TOP2A: variants seen among roughly 807,000 people sequenced by gnomAD.
TOP2A encodes DNA topoisomerase 2-alpha.
A neutral mutation model predicts 187.2 loss-of-function variants in TOP2A; 68 were observed. That is an observed-to-expected ratio of 0.36 (90% CI 0.30 to 0.44). The LOEUF is 0.44. Among genes scored for constraint, TOP2A ranks in the 20% least tolerant of loss-of-function variants. The pLI, the probability that TOP2A is intolerant of heterozygous loss-of-function variation, is 1.00. For missense variants in TOP2A, 1,196 were observed against 1,808.7 expected, an observed-to-expected ratio of 0.66 and a Z score of 6.14; for synonymous variants, 542 against 593.2, an observed-to-expected ratio of 0.91 and a Z score of 1.25.
Position 40,413,592 on chromosome 17 carries a change from T to C in TOP2A, c.366A>G (p.Gly122=), listed in dbSNP as rs1047615718. ...TGTGTTCAACAACAGGAATACCTTT[T>C]CCATTATTCCATATACTAATTAAAT... The part of the protein sequence containing the change: ...ENNLISIWNN[G]KGIPVVEHKV... The change falls in exon 5 of 35, where the codon GGA becomes GGG. Residue 122 remains glycine, a synonymous_variant. Transcript: ENST00000423485. 52 of 1,449,420 alleles carry C rather than the reference T, an allele frequency of 3.6e-5. No homozygotes were observed. The highest frequency in any genetic ancestry group is 4.8e-5 in the Non-Finnish European group (51 of 1,063,512). 89.8% of individuals were successfully genotyped at this position (1,449,420 alleles called of 1,614,324 possible).
chr17:40,407,812 G>T, intron 12 of TOP2A, 138 bp from the exon 13 acceptor site: 1 of 1,179,486 alleles, frequency 8.5e-7, no homozygotes, highest in Non-Finnish European at 1.2e-6. Context: ...CATCAGAAAG[G>T]TCTGTTAAAA....
rs1303847236 is a variant in TOP2A, at chr17:40,417,888, G to A, written c.-97C>T. ...GACCAAGCCGCTTCTCCACAGACGC[G>A]CGTCGGTTAGGAGAGCTCCACTTGA... On this transcript the variant is annotated 5_prime_UTR_variant, in exon 1 of 35. Transcript: ENST00000423485. The A allele has an allele frequency of 5.8e-6, 9 of 1,551,366 alleles. No homozygotes were observed. The highest frequency in any genetic ancestry group is 7.9e-6 in the Non-Finnish European group (9 of 1,136,064).
chr17:40,394,238 G>A (rs769820915), intron 29 of TOP2A, among the ~76,000 whole-genome samples: 3 of 151,078 alleles, frequency 2.0e-5, no homozygotes, highest in African/African-American at 4.9e-5. Flanking sequence ...AGGAGTTGGT[G>A]GCAAATGGCA....
intron 20 of TOP2A, among the ~76,000 whole-genome samples, chr17:40,401,868 G>A (rs1290737728): frequency 6.6e-6 from 1 of 152,124 alleles, no homozygotes; most frequent in Non-Finnish European, 1.5e-5. Context: ...TGGCTGGAGA[G>A]GAGATGGTAT....
At chr17:40,417,607 C>T (rs977488900) in intron 1 of TOP2A, 164 bp downstream of exon 1, 2 of 1,483,092 alleles carry the variant, frequency 1.3e-6, no homozygotes, top group African/African-American at 2.8e-5. Flanking sequence ...CCAGAAGGGG[C>T]TTCCGCCTCT....
intron 4 of TOP2A, among the ~76,000 whole-genome samples, chr17:40,414,092 T>C (rs2035359705): frequency 2.0e-5 from 3 of 152,102 alleles, no homozygotes; most frequent in African/African-American, 4.8e-5. Context: ...GAATAGACAC[T>C]GATAATGTTG....
In TOP2A at chr17:40,400,305, A is replaced by G; in HGVS notation, c.2904T>C (p.Phe968=). Residue 968 remains phenylalanine (F), a synonymous_variant, in exon 23 of 35, where the codon TTT becomes TTC. Coordinates refer to ENST00000423485, the MANE Select transcript of TOP2A (RefSeq NM_001067.4). The part of the protein sequence containing the change: ...REYHTDTTVK[F]VVKMTEEKLA... The stretch of plus-strand genomic sequence containing the variant: ...GTTTTTCTTCAGTCATCTTCACAAC[A>G]AATTTCACAGTGGTATCTGTATGGT... The G allele has an allele frequency of 1.2e-6, 2 of 1,613,330 alleles. No individual in the cohort carries two copies. Among genetic ancestry groups the G allele is most frequent in the Non-Finnish European group, 1.7e-6 (2 of 1,179,776 alleles).
chr17:40,416,595 T>G, intron 2 of TOP2A, 83 bp from the exon 3 acceptor site: 1 of 1,421,362 alleles, frequency 7.0e-7, no homozygotes, highest in Non-Finnish European at 9.9e-7. Context: ...GTGTTCATAT[T>G]AAGTATTACC....
intron 24 of TOP2A, among the ~76,000 whole-genome samples, chr17:40,399,460 T>G (rs924331611): frequency 1.3e-5 from 2 of 151,490 alleles, no homozygotes; most frequent in African/African-American, 4.8e-5. Context: ...ATTACAGGCA[T>G]GCGCCACCAC....
At chr17:40,389,936 C>A in intron 34 of TOP2A, 29 bp downstream of exon 34, 1 of 1,590,930 alleles carries the variant, frequency 6.3e-7, no homozygotes, top group Admixed American at 1.8e-5. Flanking sequence ...ACATCTACAG[C>A]AAAAGGACTG....
intron 16 of TOP2A, 50 bp from the exon 17 acceptor site, chr17:40,404,933 G>C (rs778486150): frequency 5.6e-6 from 6 of 1,070,546 alleles, no homozygotes; most frequent in Non-Finnish European, 6.8e-6. Context: ...AGGCTAATAG[G>C]TTCCAAAATA....
At chr17:40,416,380 TGAAA>T (rs771058040) in intron 3 of TOP2A, 38 bp downstream of exon 3, 7 of 1,235,944 alleles carry the variant, frequency 5.7e-6, no homozygotes, top group Non-Finnish European at 7.9e-6. Context: ...ATACTTCTTA[TGAAA>T]GATTTGACCA....
chr17:40,411,781 T>C lies in TOP2A; in HGVS notation c.827A>G (p.Lys276Arg), dbSNP rs2035324821. ...GFRSYVDMYL[K>R]DKLDETGNSL... Reference sequence around the variant, plus strand: ...GTTACCAGTTTCATCCAACTTGTCCTTCAAATACATGTCCACATAACTACG... The same window carrying C: ...GTTACCAGTTTCATCCAACTTGTCCCTCAAATACATGTCCACATAACTACG... Residue 276 changes from lysine to arginine, a missense_variant, in exon 8 of 35, where the codon AAG becomes AGG. This residue lies in a region of TOP2A where 252 missense variants were observed against 434.8 expected (regional missense o/e 0.58). Transcript: ENST00000423485. This position sits in a 1 kb window ranked among gnomAD's most constrained non-coding sequence, Gnocchi z 4.4. 1.2e-6 allele frequency: 2 copies of C among 1,605,706 alleles called. No individual in the cohort carries two copies.
chr17:40,405,406 C>T (rs2035228051), intron 16 of TOP2A, among the ~76,000 whole-genome samples: 1 of 151,582 alleles, frequency 6.6e-6, no homozygotes, highest in South Asian at 2.1e-4. Context: ...CCGCCTCGGC[C>T]TCCCAAAGTG....
At chr17:40,409,158 C>T (rs2143673441) in intron 10 of TOP2A, 1 of 292,362 alleles carries the variant, frequency 3.4e-6, no homozygotes, top group South Asian at 2.8e-5. Flanking sequence ...CGCACCATTG[C>T]ACTCCAGCCT....
intron 30 of TOP2A, 73 bp downstream of exon 30, chr17:40,392,512 G>A: frequency 6.6e-7 from 1 of 1,518,318 alleles, no homozygotes; most frequent in Non-Finnish European, 8.9e-7. Context: ...TAATTTCTGG[G>A]GCAAAGTACC....
chr17:40,405,322 TG>T (rs1277674794), intron 16 of TOP2A, among the ~76,000 whole-genome samples: 1 of 151,820 alleles, frequency 6.6e-6, no homozygotes, highest in Non-Finnish European at 1.5e-5. Flanking sequence ...GCTAATATTT[TG>T]TATTTTTAGT....
intron 3 of TOP2A, 130 bp downstream of exon 3, chr17:40,416,292 G>T: frequency 1.4e-6 from 1 of 739,484 alleles, no homozygotes; most frequent in Non-Finnish European, 2.2e-6. Context: ...AATGACAGGA[G>T]CCCTGGCTAC....
intron 10 of TOP2A, chr17:40,409,779 CAAAA>C (rs886646711): frequency 3.3e-4 from 25 of 76,320 alleles, no homozygotes; most frequent in South Asian, 1.3e-3. Flanking sequence ...GACTCTGTCT[CAAAA>C]AAAAAAAAAA....
Sources: gnomAD v4.1 joint callset for allele counts (sites outside exome capture counted in the v4.1 genomes callset) on GRCh38, gnomAD v4.1.1 for gene constraint, gnomAD v4.1.1 regional missense constraint, Gnocchi (gnomAD v3.1) non-coding constraint, MANE v1.5 for transcripts, NCBI Gene and HGNC (gene_info 2026-07-23, HGNC 2026-07-21) for gene names.